The following SAMD12 variants were observed in gnomAD, a reference collection of about 807,000 sequenced individuals.
SAMD12 encodes the protein sterile alpha motif domain containing 12.
In SAMD12, 9 loss-of-function variants were observed where a neutral mutation model predicts 15.0. The observed-to-expected ratio is 0.60, with a 90% CI of 0.36 to 1.05. SAMD12 has a LOEUF of 1.05. Ranked by LOEUF, SAMD12 falls within the 50% of genes least tolerant of loss-of-function variation. The probability of loss-of-function intolerance (pLI) is 0.01; values close to 1 mark genes in which losing one functional copy is unlikely to be tolerated. For synonymous variants in SAMD12, 86 were observed against 90.1 expected, an observed-to-expected ratio of 0.96 and a Z score of 0.25; for missense variants, 230 against 234.2, an observed-to-expected ratio of 0.98 and a Z score of 0.12.
At chr8:118,213,841 T>C (rs996403604) in intron 4 of SAMD12, among the ~76,000 whole-genome samples, 1 of 152,182 alleles carries the variant, frequency 6.6e-6, no homozygotes, top group Non-Finnish European at 1.5e-5. Context: ...AAAGTCTTAT[T>C]CCTTAGCCCT....
chr8:118,324,661 T>C (rs1816475824), intron 4 of SAMD12, among the ~76,000 whole-genome samples: 1 of 152,158 alleles, frequency 6.6e-6, no homozygotes, highest in Admixed American at 6.6e-5. Context: ...AAGTGAGACC[T>C]GACATTTGAA....
rs1821883292 is a variant in SAMD12, at chr8:118,419,317, TC to T, written c.322+20514del. Among the ~76,000 whole-genome samples, 3 of 152,358 alleles carry T rather than the reference TC, an allele frequency of 2.0e-5. No homozygotes were observed. The South Asian group carries it at 6.2e-4, about 32-fold the overall frequency. On this transcript the variant is annotated intron_variant, in intron 3 of 3. Coordinates refer to ENST00000314727, the MANE Select transcript of SAMD12 (RefSeq NM_207506.3). ...TTTTAATATCTCTGAGCTTCTAGAT[TC>T]CTCATTTGAAAAGAGTTTCACACTA...
chr8:118,621,520 T>G, intron 1 of SAMD12: 5 of 488,166 alleles, frequency 1.0e-5, no homozygotes, highest in Non-Finnish European at 1.8e-5. Context: ...CCTCCGGCTT[T>G]CCCCCCATTT....
intron 4 of SAMD12, among the ~76,000 whole-genome samples, chr8:118,343,231 G>A (rs1002405670): frequency 2.0e-5 from 3 of 151,998 alleles, no homozygotes; most frequent in African/African-American, 7.2e-5. Flanking sequence ...AGTGGAGTTA[G>A]CAAATTGGTT....
At position 118,442,476 on chromosome 8, in the gene SAMD12, T is replaced by C. The variant is rs1822792246; in HGVS notation, c.193-2515A>G. 2.0e-5 allele frequency among the ~76,000 whole-genome samples: 3 copies of C among 152,326 alleles called. No individual in the cohort carries two copies. The South Asian group carries it at 6.2e-4, about 32-fold the overall frequency. On this transcript the variant is annotated intron_variant, in intron 2 of 3. Coordinates refer to ENST00000314727, the MANE Select transcript of SAMD12 (RefSeq NM_207506.3). The stretch of plus-strand genomic sequence containing the variant: ...CCTCTAACATCTGTGGGAAACCATA[T>C]TGACTTTGCCTAATTTTGATGAGAG...
At chr8:118,364,553 G>C (rs1052684593) in intron 4 of SAMD12, among the ~76,000 whole-genome samples, 1 of 152,112 alleles carries the variant, frequency 6.6e-6, no homozygotes, top group African/African-American at 2.4e-5. Flanking sequence ...GAGTGCTGTG[G>C]GCTCTGAATC....
chr8:118,259,400 G>T lies in SAMD12; in HGVS notation c.434-61668C>A, dbSNP rs556245651. On this transcript the variant is annotated intron_variant, in intron 4 of 4. Transcript: ENST00000409003. ...TATCACAACTGGGAATGGCAGTGGG[G>T]TAGTGCCAATGGCATCTTGTGGGTG... Among the ~76,000 whole-genome samples the T allele has an allele frequency of 2.0e-5, 3 of 152,214 alleles. No individual in the cohort carries two copies. In the East Asian group the frequency reaches 5.8e-4, roughly 29 times the overall value.
rs1159303454 is a variant in SAMD12, at chr8:118,378,899, C to T, written c.*518G>A. 2 of 953,608 alleles carry T rather than the reference C, an allele frequency of 2.1e-6. No individual in the cohort carries two copies. The highest frequency in any genetic ancestry group is 2.5e-6 in the Non-Finnish European group (2 of 801,206). The allele number at this position is 953,608 out of a possible 1,614,324, so 59.1% of individuals were successfully genotyped here. ...CATCATATTGAAGTTATTTATAATT[C>T]CTGTTAAGAATTATATACTCTTAAC... On this transcript the variant is annotated 3_prime_UTR_variant, in exon 4 of 4. Coordinates refer to ENST00000314727, the MANE Select transcript of SAMD12 (RefSeq NM_207506.3).
At chr8:118,532,138 TTTTGTTGAAA>T (rs1345786712) in intron 2 of SAMD12, among the ~76,000 whole-genome samples, 1 of 150,386 alleles carries the variant, frequency 6.6e-6, no homozygotes, top group African/African-American at 2.4e-5. Context: ...TTAGCGTGAC[TTTTGTTGAAA>T]TTTGTTGAAT....
chr8:118,423,926 A>G (rs1411860437), intron 3 of SAMD12, among the ~76,000 whole-genome samples: 1 of 152,328 alleles, frequency 6.6e-6, no homozygotes, highest in East Asian at 1.9e-4. Flanking sequence ...GGTTTTCCCC[A>G]ACATGATGAT....
At chr8:118,331,947 T>C (rs2130501799) in intron 4 of SAMD12, among the ~76,000 whole-genome samples, 1 of 152,312 alleles carries the variant, frequency 6.6e-6, no homozygotes, top group Middle Eastern at 3.4e-3. Flanking sequence ...ACATAGATTT[T>C]AAACATGTAT....
At position 118,243,312 on chromosome 8, in the gene SAMD12, T is replaced by C. The variant is rs912124309; in HGVS notation, c.434-45580A>G. Reference sequence around the variant, plus strand: ...TTTGCATTAGTGGGTAGGGAACAGATGTGAAATTTGAAAACAAGGAGGGGA... The same window carrying C: ...TTTGCATTAGTGGGTAGGGAACAGACGTGAAATTTGAAAACAAGGAGGGGA... On this transcript the variant is annotated intron_variant, in intron 4 of 4. Transcript: ENST00000409003. Among the ~76,000 whole-genome samples, 9 of 152,188 alleles carry C rather than the reference T, an allele frequency of 5.9e-5. No homozygotes were observed. In the East Asian group the frequency reaches 1.4e-3, roughly 23 times the overall value.
chr8:118,177,847 G>A, the SAMD12 span, among the ~76,000 whole-genome samples: 2 of 152,234 alleles, frequency 1.3e-5, no homozygotes, highest in East Asian at 3.8e-4. Flanking sequence ...AACAAACTGA[G>A]TTGGGCAAGT....
chr8:118,226,587 A>G (rs1302112055), intron 4 of SAMD12, among the ~76,000 whole-genome samples: 4 of 152,208 alleles, frequency 2.6e-5, no homozygotes, highest in Non-Finnish European at 5.9e-5. Flanking sequence ...GCAAACATTT[A>G]TGGAGGATTC....
the SAMD12 span, among the ~76,000 whole-genome samples, chr8:118,155,965 T>C: frequency 1.3e-5 from 2 of 152,246 alleles, no homozygotes; most frequent in African/African-American, 4.8e-5. Context: ...CTATCCAGCA[T>C]TAAATTCTTT....
At chr8:118,580,340 G>C (rs1218275593) in intron 2 of SAMD12, among the ~76,000 whole-genome samples, 2 of 152,100 alleles carry the variant, frequency 1.3e-5, no homozygotes, top group East Asian at 1.9e-4. Context: ...AACCTGATGA[G>C]AGAAGTCATT....
In SAMD12 at chr8:118,304,746, C is replaced by T. The variant is rs186697708; in HGVS notation, c.433+74814G>A. Among the ~76,000 whole-genome samples, 274 of 138,372 alleles carry T rather than the reference C, an allele frequency of 2.0e-3. 2 individuals are homozygous for T. Among genetic ancestry groups the T allele is most frequent in the African/African-American group, 6.7e-3 (255 of 37,850 alleles). 90.8% of individuals were successfully genotyped at this position (138,372 alleles called of 152,430 possible). A position where few individuals can be genotyped will look rare whatever the true frequency, so the allele number is the denominator to read the frequency against. Reference sequence around the variant, plus strand: ...CTGCACTCCAGCCTGGGCAACAGAACGAGACTCCATCTCATAAATAAATAA... The same window carrying T: ...CTGCACTCCAGCCTGGGCAACAGAATGAGACTCCATCTCATAAATAAATAA... On this transcript the variant is annotated intron_variant, in intron 4 of 4. Coordinates refer to the SAMD12 transcript ENST00000409003.
At position 118,548,416 on chromosome 8, in the gene SAMD12, CACA is replaced by C. The variant is rs1563576376; in HGVS notation, c.192+32296_192+32298del. Among the ~76,000 whole-genome samples, 1,424 of 148,306 alleles carry C rather than the reference CACA, an allele frequency of 9.6e-3. 28 individuals carry two copies. Among genetic ancestry groups the C allele is most frequent in the African/African-American group, 0.035 (1,350 of 38,446 alleles). On this transcript the variant is annotated intron_variant, in intron 2 of 3. Transcript: ENST00000314727. ...ACACACACACACACACACACACACA[CACA>C]CACACCCCATGTGATGGGTAACTTA...
chr8:118,485,899 G>A (rs1475427387), intron 2 of SAMD12, among the ~76,000 whole-genome samples: 1 of 152,214 alleles, frequency 6.6e-6, no homozygotes, highest in African/African-American at 2.4e-5. Flanking sequence ...ATTGAACAAT[G>A]TTGTATCAGT....
Sources: allele counts gnomAD v4.1 joint callset (sites outside exome capture counted in the v4.1 genomes callset), GRCh38; gene constraint gnomAD v4.1.1; transcripts MANE v1.5; gene names NCBI Gene and HGNC (gene_info 2026-07-23, HGNC 2026-07-21).